LIG1: variants seen among roughly 807,000 people sequenced by gnomAD.
LIG1 encodes ligase I, DNA, ATP-dependent.
LIG1 carries 70 observed loss-of-function variants against 115.7 expected under a neutral mutation model. The ratio of observed to expected loss-of-function variants is 0.60; its 90% CI spans 0.50 to 0.74. The LOEUF (loss-of-function observed/expected upper bound fraction) is 0.74, where lower values mean the gene tolerates loss of function less well. Among genes scored for constraint, LIG1 ranks in the 30% least tolerant of loss-of-function variants. The probability of loss-of-function intolerance (pLI) is 0.00; values close to 1 mark genes in which losing one functional copy is unlikely to be tolerated. For synonymous variants in LIG1, 487 were observed against 495.3 expected, an observed-to-expected ratio of 0.98 and a Z score of 0.22; for missense variants, 1,115 against 1,225.6, an observed-to-expected ratio of 0.91 and a Z score of 1.35.
At chr19:48,135,928 T>C in intron 15 of LIG1, 106 bp downstream of exon 15, 3 of 909,944 alleles carry the variant, frequency 3.3e-6, no homozygotes, top group Non-Finnish European at 3.3e-6. Flanking sequence ...GAGCCTGGTA[T>C]GGCAGGGGCC....
At chr19:48,118,290 G>C (rs156648) in intron 25 of LIG1, 4 of 197,754 alleles carry the variant, frequency 2.0e-5, no homozygotes, top group Admixed American at 5.4e-5. Context: ...CCCATGTGTC[G>C]TGGAGGGACC....
rs561137392 is a variant in LIG1, at chr19:48,142,442, C to CAAAAAAA, written c.914+1094_914+1100dup. Among the ~76,000 whole-genome samples, 10 of 75,618 alleles carry CAAAAAAA rather than the reference C, an allele frequency of 1.3e-4. No individual in the cohort carries two copies. In the East Asian group the frequency reaches 1.9e-3, roughly 14 times the overall value. 49.6% of individuals were successfully genotyped at this position (75,618 alleles called of 152,430 possible). A position where few individuals can be genotyped will look rare whatever the true frequency, so the allele number is the denominator to read the frequency against. ...TGGGCAACAGAGCAAGACTCCATCTCAAAAAAAAAAAAAAACAGAGTGCTG... is the reference window on the plus strand; with the variant it reads ...TGGGCAACAGAGCAAGACTCCATCTCAAAAAAAAAAAAAAAAAAAAAACAGAGTGCTG... On this transcript the variant is annotated intron_variant, in intron 11 of 27. Transcript: ENST00000263274.
In LIG1 at chr19:48,115,499, G is replaced by A. The variant is rs3731047; in HGVS notation, c.*150C>T. On this transcript the variant is annotated 3_prime_UTR_variant, in exon 28 of 28. Transcript: ENST00000263274. ...AATGACGGGATGAATCCCAGACTCC[G>A]GAGTAAGCCACCCCCTCACACACAC... is the stretch of plus-strand genomic sequence containing the variant. 3,464 of 667,184 alleles carry A rather than the reference G, an allele frequency of 5.2e-3. 75 individuals are homozygous for A. Among genetic ancestry groups the A allele is most frequent in the Admixed American group, 0.051 (2,323 of 45,498 alleles). The allele number at this position is 667,184 out of a possible 1,614,324, so 41.3% of individuals were successfully genotyped here.
intron 26 of LIG1, among the ~76,000 whole-genome samples, chr19:48,116,497 C>T (rs952724125): frequency 6.7e-6 from 1 of 150,008 alleles, no homozygotes; most frequent in Non-Finnish European, 1.5e-5. Context: ...ACGATAATGA[C>T]GGTAATTCGG....
intron 5 of LIG1, 81 bp from the exon 6 acceptor site, chr19:48,154,048 A>C: frequency 8.6e-7 from 1 of 1,158,920 alleles, no homozygotes; most frequent in Admixed American, 1.7e-5. Flanking sequence ...CCACTGATGT[A>C]GCCTCTGGAA....
chr19:48,158,577 G>A (rs574601548), intron 4 of LIG1, among the ~76,000 whole-genome samples: 1 of 152,230 alleles, frequency 6.6e-6, no homozygotes, highest in Non-Finnish European at 1.5e-5. Context: ...ATGCTGCCAG[G>A]ACCGGGACTC....
At chr19:48,125,681 C>T (rs2033616809) in intron 21 of LIG1, among the ~76,000 whole-genome samples, 1 of 152,188 alleles carries the variant, frequency 6.6e-6, no homozygotes, top group South Asian at 2.1e-4. Context: ...GATCGTGGTT[C>T]ATCTACCAGA....
intron 25 of LIG1, chr19:48,118,520 CTT>C (rs549314533): frequency 6.9e-6 from 1 of 144,280 alleles, no homozygotes; most frequent in Admixed American, 6.9e-5. Context: ...GGAAACCTCT[CTT>C]TATAAATGAT....
At chr19:48,132,167 C>T (rs191277226) in intron 18 of LIG1, among the ~76,000 whole-genome samples, 2 of 152,104 alleles carry the variant, frequency 1.3e-5, no homozygotes, top group African/African-American at 4.8e-5. Context: ...CCTCAGGGGT[C>T]CACTTCCTGT....
intron 9 of LIG1, among the ~76,000 whole-genome samples, chr19:48,144,256 AG>A (rs2034973390): frequency 6.6e-6 from 1 of 152,214 alleles, no homozygotes; most frequent in Non-Finnish European, 1.5e-5. Context: ...CAGGGTGGTC[AG>A]GGAAGGCCGG....
chr19:48,166,583 A>G (rs1409188493), intron 1 of LIG1, among the ~76,000 whole-genome samples: 1 of 152,202 alleles, frequency 6.6e-6, no homozygotes, highest in African/African-American at 2.4e-5. Flanking sequence ...TTCACAATAT[A>G]TTTTTAAAAA....
Position 48,137,204 on chromosome 19 carries a change from C to T in LIG1, c.1255-120G>A. 3 of 884,792 alleles carry T rather than the reference C, an allele frequency of 3.4e-6. No individual in the cohort carries two copies. Among genetic ancestry groups the T allele is most frequent in the Non-Finnish European group, 5.5e-6 (3 of 547,038 alleles). 54.8% of individuals were successfully genotyped at this position (884,792 alleles called of 1,614,324 possible). On this transcript the variant is annotated intron_variant, in intron 13 of 27. Coordinates refer to ENST00000263274, the MANE Select transcript of LIG1 (RefSeq NM_000234.3). This position sits in a 1 kb window ranked among gnomAD's most constrained non-coding sequence, Gnocchi z 4.3. ...CCTGCCCTCCTTCCCTCACCCCATCCCCATGTCCCAGCTCCCATGGCCGCC... is the reference window on the plus strand; with the variant it reads ...CCTGCCCTCCTTCCCTCACCCCATCTCCATGTCCCAGCTCCCATGGCCGCC...
chr19:48,137,540 G>A lies in LIG1; in HGVS notation c.1236C>T (p.Ala412=). 6.2e-7 allele frequency: 1 copy of A among 1,613,054 alleles called. No individual in the cohort carries two copies. The highest frequency in any genetic ancestry group is 1.1e-5 in the South Asian group (1 of 91,082). The change falls in exon 13 of 28, where the codon GCC becomes GCT. Residue 412 remains alanine, a synonymous_variant. Transcript: ENST00000263274. The surrounding 1 kb of genome is among the most constrained non-coding windows in gnomAD (Gnocchi z 4.3). ...CACTCACAGCACTGCCAGTGAGCCT[G>A]GCGATGTCGCGGAACTTGCTGAAGA... The part of the protein sequence containing the change: ...SGVFSKFRDI[A]RLTGSASTAK...
Position 48,127,962 on chromosome 19 carries a change from C to A in LIG1, c.1880G>T (p.Arg627Leu). 1.9e-6 allele frequency: 3 copies of A among 1,614,136 alleles called. No homozygotes were observed. The highest frequency in any genetic ancestry group is 2.5e-6 in the Non-Finnish European group (3 of 1,180,016). ...ILDTEAVAWD[R>L]EKKQIQPFQV... ...GAATGGCTGGATCTGCTTCTTTTCC[C>A]GGTCCCAAGCCACGGCTTCGGTGTC... The change falls in exon 20 of 28, where the codon CGG becomes CTG. Residue 627 changes from arginine to leucine, a missense_variant. Coordinates refer to ENST00000263274, the MANE Select transcript of LIG1 (RefSeq NM_000234.3).
chr19:48,157,070 A>G lies in LIG1; in HGVS notation c.314T>C (p.Leu105Pro). Residue 105 changes from leucine to proline, a missense_variant, in exon 5 of 28, where the codon CTC becomes CCC. Coordinates refer to ENST00000263274, the MANE Select transcript of LIG1 (RefSeq NM_000234.3). ...ACTGTCCATGGGAGAGGTGTCAGAG[A>G]GGGAAGCATTGTTCTCAGGAGATGT... The part of the protein sequence containing the change: ...PATSPENNAS[L>P]SDTSPMDSSP... The G allele has an allele frequency of 6.2e-7, 1 of 1,612,288 alleles. No homozygotes were observed. The highest frequency in any genetic ancestry group is 8.5e-7 in the Non-Finnish European group (1 of 1,179,012).
At chr19:48,144,136 G>C (rs190075427) in intron 9 of LIG1, among the ~76,000 whole-genome samples, 173 bp from the exon 10 acceptor site, 1 of 152,184 alleles carries the variant, frequency 6.6e-6, no homozygotes, top group East Asian at 1.9e-4. Context: ...AGGAAAGTGG[G>C]CAAAAAGCCC....
At chr19:48,128,481 G>A (rs1319569672) in intron 19 of LIG1, among the ~76,000 whole-genome samples, 1 of 152,140 alleles carries the variant, frequency 6.6e-6, no homozygotes, top group Non-Finnish European at 1.5e-5. Flanking sequence ...CCCAAAGCTG[G>A]GGGGACTCTC....
chr19:48,150,632 T>C (rs938581375), intron 7 of LIG1, among the ~76,000 whole-genome samples: 14 of 152,236 alleles, frequency 9.2e-5, no homozygotes, highest in Admixed American at 7.2e-4. Flanking sequence ...TCAGTTTGGT[T>C]GTCTAACTTA....
chr19:48,151,800 G>T (rs565110452), intron 6 of LIG1, among the ~76,000 whole-genome samples: 1 of 112,034 alleles, frequency 8.9e-6, no homozygotes, highest in Admixed American at 8.4e-5. Flanking sequence ...GCGACCTTGA[G>T]GGGGTCCAGC....
Sources: gnomAD v4.1 joint callset for allele counts (sites outside exome capture counted in the v4.1 genomes callset) on GRCh38, gnomAD v4.1.1 for gene constraint, Gnocchi (gnomAD v3.1) non-coding constraint, MANE v1.5 for transcripts, NCBI Gene and HGNC (gene_info 2026-07-23, HGNC 2026-07-21) for gene names.